The following HS6ST3 variants were observed in gnomAD, a reference collection of about 807,000 sequenced individuals.
HS6ST3 encodes heparan sulfate 6-O-sulfotransferase 3, also known as heparan-sulfate 6-O-sulfotransferase 3.
In HS6ST3, 12 loss-of-function variants were observed where a neutral mutation model predicts 36.7. That is an observed-to-expected ratio of 0.33 (90% CI 0.21 to 0.53). HS6ST3 has a LOEUF of 0.53. Among genes scored for constraint, HS6ST3 ranks in the 20% least tolerant of loss-of-function variants. The pLI, the probability that HS6ST3 is intolerant of heterozygous loss-of-function variation, is 0.95. For synonymous variants in HS6ST3, 240 were observed against 257.5 expected, an observed-to-expected ratio of 0.93 and a Z score of 0.65; for missense variants, 584 against 640.9, an observed-to-expected ratio of 0.91 and a Z score of 0.96.
At chr13:96,238,363 T>C (rs1406811389) in intron 1 of HS6ST3, among the ~76,000 whole-genome samples, 1 of 152,192 alleles carries the variant, frequency 6.6e-6, no homozygotes, top group Non-Finnish European at 1.5e-5. Flanking sequence ...TTTCATCCAT[T>C]GGTCAGCCAA....
intron 1 of HS6ST3, among the ~76,000 whole-genome samples, chr13:96,364,410 A>T (rs192407901): frequency 6.6e-6 from 1 of 152,220 alleles, no homozygotes; most frequent in East Asian, 1.9e-4. Context: ...ACAATGGAAT[A>T]TTATTCAGTC....
Position 96,610,319 on chromosome 13 carries a change from C to T in HS6ST3, c.708-222171C>T, listed in dbSNP as rs185184434. ...TAAGTGGTAACTATTTCTTAGAATA[C>T]ATTCTGTTCCAGCTAGAATTATTTA... is the stretch of plus-strand genomic sequence containing the variant. On this transcript the variant is annotated intron_variant, in intron 1 of 1. Transcript: ENST00000376705. Among the ~76,000 whole-genome samples the T allele has an allele frequency of 3.9e-5, 6 of 152,296 alleles. No homozygotes were observed. In the East Asian group the frequency reaches 1.2e-3, roughly 29 times the overall value.
chr13:96,539,468 G>C (rs536893260), intron 1 of HS6ST3, among the ~76,000 whole-genome samples: 1 of 152,010 alleles, frequency 6.6e-6, no homozygotes, highest in South Asian at 2.1e-4. Context: ...TGATTTTCCT[G>C]CTTCAGCCTC....
intron 1 of HS6ST3, among the ~76,000 whole-genome samples, chr13:96,655,594 A>G (rs1594828609): frequency 6.6e-6 from 1 of 152,156 alleles, no homozygotes; most frequent in Admixed American, 6.6e-5. Flanking sequence ...TGATATATCT[A>G]TAATGAGCCA....
intron 1 of HS6ST3, among the ~76,000 whole-genome samples, chr13:96,644,156 CATT>C (rs1390057934): frequency 7.9e-5 from 12 of 151,892 alleles, no homozygotes; most frequent in African/African-American, 1.2e-4. Flanking sequence ...ATGAGATTAT[CATT>C]ATTATCATCA....
chr13:96,663,893 T>C (rs1377995972), intron 1 of HS6ST3, among the ~76,000 whole-genome samples: 6 of 152,166 alleles, frequency 3.9e-5, no homozygotes, highest in African/African-American at 1.4e-4. Flanking sequence ...AATCTCTATA[T>C]TGTATGATTC....
At chr13:96,267,290 A>T (rs2139386341) in intron 1 of HS6ST3, among the ~76,000 whole-genome samples, 1 of 152,184 alleles carries the variant, frequency 6.6e-6, no homozygotes, top group East Asian at 1.9e-4. Flanking sequence ...TAGCAGCATG[A>T]GAATGGACTA....
chr13:96,381,267 C>T (rs967897958), intron 1 of HS6ST3, among the ~76,000 whole-genome samples: 3 of 151,996 alleles, frequency 2.0e-5, no homozygotes, highest in Non-Finnish European at 4.4e-5. Flanking sequence ...ATAAGCCCAG[C>T]TTTGTATTTA....
intron 1 of HS6ST3, among the ~76,000 whole-genome samples, chr13:96,355,361 AC>A (rs2055204549): frequency 7.3e-5 from 1 of 13,722 alleles, no homozygotes; most frequent in Non-Finnish European, 1.3e-4. Flanking sequence ...CTATAGTTAC[AC>A]ACACACACAC....
chr13:96,179,857 T>C (rs1410574404), intron 1 of HS6ST3, among the ~76,000 whole-genome samples: 5 of 152,100 alleles, frequency 3.3e-5, no homozygotes, highest in African/African-American at 4.8e-5. Flanking sequence ...AGAGATGGCG[T>C]CTCACTCTGT....
At chr13:96,460,606 A>C (rs1334701023) in intron 1 of HS6ST3, among the ~76,000 whole-genome samples, 1 of 152,238 alleles carries the variant, frequency 6.6e-6, no homozygotes, top group Non-Finnish European at 1.5e-5. Flanking sequence ...CAGTTATGAT[A>C]GATGCATTTG....
intron 1 of HS6ST3, among the ~76,000 whole-genome samples, chr13:96,094,860 T>C (rs1334561894): frequency 6.6e-6 from 1 of 152,202 alleles, no homozygotes; most frequent in Non-Finnish European, 1.5e-5. Context: ...TTTTTCCCAT[T>C]ATTTTTGTGT....
At chr13:96,244,069 G>GT (rs965700220) in intron 1 of HS6ST3, among the ~76,000 whole-genome samples, 8 of 151,862 alleles carry the variant, frequency 5.3e-5, no homozygotes, top group Non-Finnish European at 1.0e-4. Flanking sequence ...TAATAAAGCT[G>GT]TTTTTTAAAA....
intron 1 of HS6ST3, among the ~76,000 whole-genome samples, chr13:96,666,551 T>C (rs1405963346): frequency 6.6e-6 from 1 of 152,162 alleles, no homozygotes; most frequent in Non-Finnish European, 1.5e-5. Context: ...AATTTTTCAA[T>C]GGCTGAAGAT....
intron 1 of HS6ST3, among the ~76,000 whole-genome samples, chr13:96,328,982 G>A (rs1011756988): frequency 9.2e-5 from 14 of 151,388 alleles, no homozygotes; most frequent in Admixed American, 6.6e-5. Context: ...GGTGTTTGTA[G>A]TATTCTCTGA....
At chr13:96,647,616 G>A (rs576395373) in intron 1 of HS6ST3, among the ~76,000 whole-genome samples, 169 of 152,156 alleles carry the variant, frequency 1.1e-3, no homozygotes, top group South Asian at 7.2e-3. Context: ...AAGTGTTGAA[G>A]TATACAGATG....
intron 1 of HS6ST3, among the ~76,000 whole-genome samples, chr13:96,164,383 G>A (rs539602087): frequency 7.2e-5 from 11 of 151,970 alleles, no homozygotes; most frequent in Admixed American, 2.0e-4. Flanking sequence ...GTGAGACACC[G>A]TCTATACAAA....
chr13:96,599,138 C>A (rs1400315838), intron 1 of HS6ST3, among the ~76,000 whole-genome samples: 1 of 151,652 alleles, frequency 6.6e-6, no homozygotes, highest in African/African-American at 2.4e-5. Context: ...TTTTTTCTTT[C>A]TTTCTTTCTT....
At chr13:96,182,224 A>C in intron 1 of HS6ST3, among the ~76,000 whole-genome samples, 1 of 152,172 alleles carries the variant, frequency 6.6e-6, no homozygotes, top group African/African-American at 2.4e-5. Flanking sequence ...AGTTTCTGAG[A>C]CTTTGCCATA....
Sources: allele counts gnomAD v4.1 joint callset (sites outside exome capture counted in the v4.1 genomes callset), GRCh38; gene constraint gnomAD v4.1.1; transcripts MANE v1.5; gene names NCBI Gene and HGNC (gene_info 2026-07-23, HGNC 2026-07-21).